RBM23: variants seen among roughly 807,000 people sequenced by gnomAD.
RBM23 encodes the protein probable RNA-binding protein 23.
Under a neutral mutation model 56.2 loss-of-function variants are expected in RBM23, and 53 were observed. The ratio of observed to expected loss-of-function variants is 0.94; its 90% CI spans 0.76 to 1.19. The LOEUF (loss-of-function observed/expected upper bound fraction) is 1.19. Among genes scored for constraint, RBM23 ranks in the 50% most tolerant of loss-of-function variants. The pLI is 0.00. For missense variants in RBM23, 642 were observed against 590.3 expected (o/e 1.09, Z -0.91); for synonymous variants, 197 against 198.5 (o/e 0.99, Z 0.06).
chr14:22,908,249 G>A, intron 4 of RBM23, 84 bp downstream of exon 4: 4 of 1,464,348 alleles, frequency 2.7e-6, no homozygotes, highest in Non-Finnish European at 3.7e-6. Flanking sequence ...TTGAACTCCT[G>A]GCCTGAAGTG....
chr14:22,912,620 T>C (rs1268688679), intron 1 of RBM23, among the ~76,000 whole-genome samples: 1 of 152,082 alleles, frequency 6.6e-6, no homozygotes, highest in Non-Finnish European at 1.5e-5. Context: ...CTCAAAATAA[T>C]TACACGGAGT....
Position 22,900,891 on chromosome 14 carries a change from C to T in RBM23, c.*839G>A, listed in dbSNP as rs1455552656. ...AAGGGATGGGAGTAGCTATAATTGCCAGGGTTGAGGCCACAGTAGAGGCAC... is the reference window on the plus strand; with the variant it reads ...AAGGGATGGGAGTAGCTATAATTGCTAGGGTTGAGGCCACAGTAGAGGCAC... On this transcript the variant is annotated 3_prime_UTR_variant, in exon 14 of 14. Transcript: ENST00000359890. 1 of 152,038 alleles carries T rather than the reference C, an allele frequency of 6.6e-6. No homozygotes were observed. Among genetic ancestry groups the T allele is most frequent in the Non-Finnish European group, 1.5e-5 (1 of 68,042 alleles). The allele number at this position is 152,038 out of a possible 1,614,324, so 9.4% of individuals were successfully genotyped here.
Position 22,913,307 on chromosome 14 carries a change from G to A in RBM23, c.-10-1904C>T, listed in dbSNP as rs1030951776. On this transcript the variant is annotated intron_variant, in intron 1 of 13. Transcript: ENST00000359890. The stretch of plus-strand genomic sequence containing the variant: ...CGGGTGCTTGTAGTCCCAGCTACTC[G>A]GGAGGCTGAGGCAGGAGAATGGCAT... Among the ~76,000 whole-genome samples the A allele has an allele frequency of 4.0e-5, 6 of 151,356 alleles. No homozygotes were observed. In the East Asian group the frequency reaches 9.8e-4, roughly 25 times the overall value.
intron 1 of RBM23, among the ~76,000 whole-genome samples, chr14:22,915,503 T>G (rs1440169569): frequency 1.3e-5 from 2 of 150,422 alleles, no homozygotes; most frequent in African/African-American, 4.9e-5. Context: ...TGGCTTTTTT[T>G]TTTTTTTTTT....
intron 2 of RBM23, among the ~76,000 whole-genome samples, chr14:22,910,648 C>G (rs1476954787): frequency 6.6e-6 from 1 of 151,792 alleles, no homozygotes; most frequent in African/African-American, 2.4e-5. Flanking sequence ...CAAGGCAGAT[C>G]GCTTGAGCCT....
chr14:22,902,105 AG>A lies in RBM23; in HGVS notation c.1127-7del, dbSNP rs759491698. 12 of 1,606,784 alleles carry A rather than the reference AG, an allele frequency of 7.5e-6. No homozygotes were observed. The highest frequency in any genetic ancestry group is 3.4e-5 in the Admixed American group (2 of 59,206). On this transcript the variant is annotated splice_polypyrimidine_tract_variant and splice_region_variant and intron_variant, in intron 11 of 13. Transcript: ENST00000359890. ...TGGCAGTTGGATTCCAGCGCCTAAA[AG>A]GAAAAGAAAAGGTGGGATTAAGCCC... is the stretch of plus-strand genomic sequence containing the variant.
rs1003663307 is a variant in RBM23 at position 22,918,987 on chromosome 14, G to A, written c.-11+12C>T. ...TGACGTCTGGTGGGGACCGGGTTTT[G>A]GGGTTTCTCACCAGTTCCGGGTCCC... On this transcript the variant is annotated intron_variant, in intron 1 of 13. Transcript: ENST00000359890. The A allele has an allele frequency of 1.3e-5, 2 of 152,156 alleles. No homozygotes were observed. Among genetic ancestry groups the A allele is most frequent in the Non-Finnish European group, 2.9e-5 (2 of 68,034 alleles). The allele number at this position is 152,156 out of a possible 1,614,324, so 9.4% of individuals were successfully genotyped here. A position where few individuals can be genotyped will look rare whatever the true frequency, so the allele number is the denominator to read the frequency against.
In RBM23 at chr14:22,905,240, C is replaced by G. The variant is rs187229917; in HGVS notation, c.580G>C (p.Asp194His). ...DFFSAVGKVR[D>H]VRIISDRNSR... ...TTCCGATCTGAGATGATACGTACATCGCGAACCTATCCAGGACGCAAAAGA... is the reference window on the plus strand; with the variant it reads ...TTCCGATCTGAGATGATACGTACATGGCGAACCTATCCAGGACGCAAAAGA... The change falls in exon 8 of 14, where the codon GAT becomes CAT. Residue 194 changes from aspartate (D) to histidine (H), a missense_variant. Transcript: ENST00000359890. The G allele has an allele frequency of 6.2e-7, 1 of 1,614,132 alleles. No homozygotes were observed. Among genetic ancestry groups the G allele is most frequent in the South Asian group, 1.1e-5 (1 of 91,072 alleles).
chr14:22,906,293 A>T lies in RBM23; in HGVS notation c.303T>A (p.Arg101=), dbSNP rs766620072. The change falls in exon 5 of 14, where the codon CGT becomes CGA. Residue 101 remains arginine, a synonymous_variant. Coordinates refer to ENST00000359890, the MANE Select transcript of RBM23 (RefSeq NM_001077351.2). ...SRSPGRQCRH[R]SRSWDRRHGS... ...CATGTCGACGATCCCAGCTACGGCT[A>T]CGGTGACGACACTGCCGACCTGGAC... 5.3e-5 allele frequency: 86 copies of T among 1,614,132 alleles called. No homozygotes were observed. Among genetic ancestry groups the T allele is most frequent in the Non-Finnish European group, 6.9e-5 (82 of 1,180,044 alleles).
intron 1 of RBM23, among the ~76,000 whole-genome samples, chr14:22,916,067 T>C (rs1198889534): frequency 1.3e-5 from 2 of 152,014 alleles, no homozygotes; most frequent in Non-Finnish European, 1.5e-5. Flanking sequence ...AATATAAAAA[T>C]TAGCCACGCA....
chr14:22,912,942 G>A (rs2042800087), intron 1 of RBM23, among the ~76,000 whole-genome samples: 1 of 127,864 alleles, frequency 7.8e-6, no homozygotes, highest in African/African-American at 3.2e-5. Context: ...GGAGGTTGCA[G>A]TTAGCCAAGA....
chr14:22,907,272 G>C (rs1033492159), intron 4 of RBM23, among the ~76,000 whole-genome samples: 14 of 152,140 alleles, frequency 9.2e-5, no homozygotes, highest in African/African-American at 3.1e-4. Flanking sequence ...AACCTGGGAG[G>C]CAGAGGTTGC....
At chr14:22,904,521 A>C (rs1440597392) in intron 9 of RBM23, among the ~76,000 whole-genome samples, 195 bp from the exon 10 acceptor site, 2 of 148,920 alleles carry the variant, frequency 1.3e-5, no homozygotes, top group Non-Finnish European at 1.5e-5. Flanking sequence ...TAAAAGGTGG[A>C]CTTTTTTTTT....
chr14:22,911,559 T>C (rs1378110766), intron 1 of RBM23, 156 bp from the exon 2 acceptor site: 2 of 565,904 alleles, frequency 3.5e-6, no homozygotes. Flanking sequence ...AGCTGTCACT[T>C]ACTCTAGGTT....
chr14:22,895,311 A>T lies in RBM23; in HGVS notation c.*6419T>A, dbSNP rs35376336. 87,707 of 151,870 alleles carry T rather than the reference A, an allele frequency of 0.58. 25,674 individuals are homozygous for T. Among genetic ancestry groups the T allele is most frequent in the East Asian group, 0.8 (4,142 of 5,152 alleles). 9.4% of individuals were successfully genotyped at this position (151,870 alleles called of 1,614,324 possible). A position where few individuals can be genotyped will look rare whatever the true frequency, so the allele number is the denominator to read the frequency against. ...GAAGCAGAGGTTGCGGTGAGCCGAG[A>T]TCGCACCATTGCACTCCAGCCTGGG... On this transcript the variant is annotated 3_prime_UTR_variant, in exon 14 of 14. Transcript: ENST00000359890.
At chr14:22,915,757 G>C (rs1001108670) in intron 1 of RBM23, among the ~76,000 whole-genome samples, 2 of 152,172 alleles carry the variant, frequency 1.3e-5, no homozygotes. Context: ...CGGCCTCCCA[G>C]TGCTGGGATT....
rs73590522 is a variant in RBM23 at position 22,904,125 on chromosome 14, T to C, written c.930+136A>G. On this transcript the variant is annotated intron_variant, in intron 10 of 13. Transcript: ENST00000359890. ...GCACTCATCTCAAGGGGTAGAAGGC[T>C]AGTCCAAGCTTCAGGCACCAGGGTT... is the stretch of plus-strand genomic sequence containing the variant. 1,132 of 1,556,358 alleles carry C rather than the reference T, an allele frequency of 7.3e-4. 6 individuals are homozygous for C. The African/African-American group carries it at 0.012, about 17-fold the overall frequency.
chr14:22,905,273 A>G, intron 7 of RBM23, 27 bp from the exon 8 acceptor site: 1 of 1,614,000 alleles, frequency 6.2e-7, no homozygotes, highest in Non-Finnish European at 8.5e-7. Context: ...AGAAATCCTG[A>G]GTTAGGCATA....
intron 1 of RBM23, among the ~76,000 whole-genome samples, chr14:22,912,085 C>T (rs988728095): frequency 3.3e-5 from 5 of 152,130 alleles, no homozygotes; most frequent in Non-Finnish European, 2.9e-5. Context: ...ATTAGGTCTC[C>T]ACTCTACTGT....
Sources: gnomAD v4.1 joint callset for allele counts (sites outside exome capture counted in the v4.1 genomes callset) on GRCh38, gnomAD v4.1.1 for gene constraint, MANE v1.5 for transcripts, NCBI Gene and HGNC (gene_info 2026-07-23, HGNC 2026-07-21) for gene names.